PCDH15: variants seen among roughly 807,000 people sequenced by gnomAD.
The protein encoded by PCDH15 is protocadherin related 15, also known as protocadherin-15.
PCDH15 carries 129 observed loss-of-function variants against 178.5 expected under a neutral mutation model. The ratio of observed to expected loss-of-function variants is 0.72; its 90% CI spans 0.63 to 0.84. The LOEUF (loss-of-function observed/expected upper bound fraction) is 0.84, where lower values mean the gene tolerates loss of function less well. Among genes scored for constraint, PCDH15 ranks in the 40% least tolerant of loss-of-function variants. The pLI is 0.00. For synonymous variants in PCDH15, 800 were observed against 732.0 expected, an observed-to-expected ratio of 1.09 and a Z score of -1.50; for missense variants, 2,230 against 2,099.9, an observed-to-expected ratio of 1.06 and a Z score of -1.21.
chr10:53,949,288 G>T (rs542094885), intron 23 of PCDH15, among the ~76,000 whole-genome samples: 1 of 152,282 alleles, frequency 6.6e-6, no homozygotes, highest in South Asian at 2.1e-4. Flanking sequence ...AGACAGGAAA[G>T]GCTATCTTCA....
rs1367905525 is a variant in PCDH15 at position 54,385,678 on chromosome 10, T to A, written c.158-6736A>T. ...GCCAAACAAATTTAATTTAAAGTAC[T>A]CTCTAACTGCAAATGAAGTAAACTT... On this transcript the variant is annotated intron_variant, in intron 3 of 37. Transcript: ENST00000644397. Among the ~76,000 whole-genome samples, 5 of 152,316 alleles carry A rather than the reference T, an allele frequency of 3.3e-5. No individual in the cohort carries two copies. In the East Asian group the frequency reaches 9.7e-4, roughly 29 times the overall value.
At chr10:54,796,282 G>GTATCTATGTATCTATCTATCTATC (rs752443728) in intron 1 of PCDH15, among the ~76,000 whole-genome samples, 23 of 126,436 alleles carry the variant, frequency 1.8e-4, no homozygotes, top group Middle Eastern at 4.0e-3. Flanking sequence ...ATGTATCTAT[G>GTATCTATGTATCTATCTATCTATC]TATCTATCTA....
At chr10:53,929,103 C>T (rs2610843) in intron 25 of PCDH15, among the ~76,000 whole-genome samples, 6,949 of 151,690 alleles carry the variant, frequency 0.046, 485 homozygotes, top group African/African-American at 0.16. Context: ...TTTGAAAAGT[C>T]TGATTATATA....
Position 54,105,277 on chromosome 10 carries a change from GATATATATATATATAT to G in PCDH15, c.1918-15230_1918-15215del, listed in dbSNP as rs55696020. Among the ~76,000 whole-genome samples, 610 of 90,472 alleles carry G rather than the reference GATATATATATATATAT, an allele frequency of 6.7e-3. 7 individuals carry two copies. The highest frequency in any genetic ancestry group is 0.011 in the Middle Eastern group (1 of 92). 59.4% of individuals were successfully genotyped at this position (90,472 alleles called of 152,430 possible). On this transcript the variant is annotated intron_variant, in intron 15 of 37. Transcript: ENST00000644397. The stretch of plus-strand genomic sequence containing the variant: ...ATATAGATATAGACATATAGATGGA[GATATATATATATATAT>G]ATATATATATATATATATATATATA...
At chr10:55,187,526 G>C (rs1839831124) in intron 1 of PCDH15, among the ~76,000 whole-genome samples, 1 of 151,842 alleles carries the variant, frequency 6.6e-6, no homozygotes, top group African/African-American at 2.4e-5. Flanking sequence ...CAACTTTAGG[G>C]CTGATAATAT....
rs1948488213 is a variant in PCDH15, at chr10:54,766,159, G to A, written c.-29+34766C>T. 1.3e-5 allele frequency among the ~76,000 whole-genome samples: 2 copies of A among 152,048 alleles called. 1 individual carries two copies. The highest frequency in any genetic ancestry group is 4.1e-4 in the South Asian group (2 of 4,826). On this transcript the variant is annotated intron_variant, in intron 1 of 37. Coordinates refer to ENST00000644397, the MANE Select transcript of PCDH15 (RefSeq NM_001384140.1). Reference sequence around the variant, plus strand: ...CAATAAAAATAGGACAATAAAATGAGTAATACGTTTAAATTTCTATTGCCA... The same window carrying A: ...CAATAAAAATAGGACAATAAAATGAATAATACGTTTAAATTTCTATTGCCA...
chr10:54,500,846 C>T (rs971203581), intron 3 of PCDH15, among the ~76,000 whole-genome samples: 3 of 151,952 alleles, frequency 2.0e-5, no homozygotes, highest in Admixed American at 1.3e-4. Flanking sequence ...CTCAAATGCC[C>T]ATCAATGATA....
At chr10:55,210,634 T>C (rs1301305169) in intron 1 of PCDH15, among the ~76,000 whole-genome samples, 1 of 127,706 alleles carries the variant, frequency 7.8e-6, no homozygotes, top group African/African-American at 2.9e-5. Flanking sequence ...TTTTTTTTTT[T>C]TTTTTTTTTT....
intron 26 of PCDH15, among the ~76,000 whole-genome samples, chr10:53,885,983 G>A (rs1430036495): frequency 6.6e-6 from 1 of 152,034 alleles, no homozygotes; most frequent in Non-Finnish European, 1.5e-5. Context: ...CAGTTTTAAG[G>A]GCAAAGAAAA....
intron 21 of PCDH15, among the ~76,000 whole-genome samples, chr10:53,982,960 C>T (rs2134647177): frequency 6.6e-6 from 1 of 152,036 alleles, no homozygotes; most frequent in South Asian, 2.1e-4. Flanking sequence ...ACATTGTTTC[C>T]TTCATAATTT....
At chr10:53,951,102 T>C (rs1164658799) in intron 23 of PCDH15, among the ~76,000 whole-genome samples, 1 of 152,228 alleles carries the variant, frequency 6.6e-6, no homozygotes, top group East Asian at 1.9e-4. Context: ...CATTGCATAA[T>C]GTGAATTTGA....
intron 8 of PCDH15, among the ~76,000 whole-genome samples, chr10:54,243,951 A>G (rs2055668256): frequency 6.6e-6 from 1 of 152,194 alleles, no homozygotes; most frequent in African/African-American, 2.4e-5. Context: ...TTCACTGCAT[A>G]TATCAAAGTT....
chr10:55,508,561 T>C (rs1840811453), intron 2 of PCDH15, among the ~76,000 whole-genome samples: 1 of 151,752 alleles, frequency 6.6e-6, no homozygotes, highest in Non-Finnish European at 1.5e-5. Flanking sequence ...GCAGATGAGA[T>C]TAACCATACA....
chr10:54,528,291 G>A, intron 2 of PCDH15: 1 of 1,188,936 alleles, frequency 8.4e-7, no homozygotes, highest in Admixed American at 2.0e-5. Flanking sequence ...ATTAGAGAGA[G>A]TGAATAGAAT....
chr10:54,590,302 T>C (rs1376951605), intron 2 of PCDH15, among the ~76,000 whole-genome samples: 2 of 152,168 alleles, frequency 1.3e-5, no homozygotes, highest in East Asian at 1.9e-4. Context: ...AGTGACCGAA[T>C]ACATTTGCCT....
intron 6 of PCDH15, among the ~76,000 whole-genome samples, chr10:54,331,113 C>T (rs564148267): frequency 6.6e-6 from 1 of 150,856 alleles, no homozygotes; most frequent in Admixed American, 6.6e-5. Flanking sequence ...TTCACACCCT[C>T]AACTTAGTGT....
At chr10:54,359,214 T>C (rs933825931) in intron 5 of PCDH15, among the ~76,000 whole-genome samples, 3 of 152,032 alleles carry the variant, frequency 2.0e-5, no homozygotes, top group African/African-American at 4.8e-5. Flanking sequence ...TGGTTCTCTA[T>C]ATATGTACAT....
intron 1 of PCDH15, among the ~76,000 whole-genome samples, chr10:54,769,664 T>C (rs1948876102): frequency 6.6e-6 from 1 of 152,036 alleles, no homozygotes; most frequent in Admixed American, 6.6e-5. Context: ...AAAGGTGGCA[T>C]CAGAGCATCC....
chr10:54,608,555 G>T (rs565420785), intron 2 of PCDH15, among the ~76,000 whole-genome samples: 1 of 151,944 alleles, frequency 6.6e-6, no homozygotes, highest in Non-Finnish European at 1.5e-5. Flanking sequence ...AGGCTGCAGT[G>T]ATCTGTGATC....
Sources: allele counts gnomAD v4.1 joint callset (sites outside exome capture counted in the v4.1 genomes callset), GRCh38; gene constraint gnomAD v4.1.1; transcripts MANE v1.5; gene names NCBI Gene and HGNC (gene_info 2026-07-23, HGNC 2026-07-21).